CCDC201: variants seen among roughly 807,000 people sequenced by gnomAD.
CCDC201 encodes coiled-coil domain-containing protein 201.
chr7:45,877,366 T>G (rs1786823475), upstream of CCDC201, among the ~76,000 whole-genome samples: 1 of 152,202 alleles, frequency 6.6e-6, no homozygotes, highest in Admixed American at 6.5e-5. Flanking sequence ...AAATAAGTGG[T>G]CAGTACTCTT....
At chr7:45,876,210 A>G (rs73322999), upstream of CCDC201, among the ~76,000 whole-genome samples, 12,428 of 152,114 alleles carry the variant, frequency 0.082, 913 homozygotes, top group African/African-American at 0.19. Flanking sequence ...AACCACAATG[A>G]CTTTCCCAGA....
intron 2 of CCDC201, among the ~76,000 whole-genome samples, chr7:45,863,973 C>T (rs920222837): frequency 2.6e-5 from 4 of 152,104 alleles, no homozygotes; most frequent in Non-Finnish European, 5.9e-5. Flanking sequence ...CCACTGCTGG[C>T]CAGCAGAGAG....
At chr7:45,864,458 C>T (rs1786641052) in intron 2 of CCDC201, among the ~76,000 whole-genome samples, 1 of 152,212 alleles carries the variant, frequency 6.6e-6, no homozygotes, top group African/African-American at 2.4e-5. Context: ...TGCTGACTAG[C>T]AAGAGGTGGC....
At chr7:45,870,204 G>A (rs1475055413) in intron 1 of CCDC201, among the ~76,000 whole-genome samples, 1 of 152,148 alleles carries the variant, frequency 6.6e-6, no homozygotes, top group Non-Finnish European at 1.5e-5. Context: ...CATCTCATTT[G>A]CACAAGCAGC....
the CCDC201 span, among the ~76,000 whole-genome samples, chr7:45,882,042 G>A: frequency 7.2e-3 from 1,090 of 152,258 alleles, 12 homozygotes; most frequent in African/African-American, 0.025. Context: ...TGGAACATAA[G>A]CAAAACATCA....
chr7:45,881,660 G>A, the CCDC201 span, among the ~76,000 whole-genome samples: 3 of 152,140 alleles, frequency 2.0e-5, no homozygotes, highest in Non-Finnish European at 2.9e-5. Context: ...GAATGAAGAC[G>A]AAGAGCACCT....
intron 2 of CCDC201, among the ~76,000 whole-genome samples, chr7:45,865,777 C>A (rs188266629): frequency 4.6e-5 from 7 of 152,296 alleles, no homozygotes; most frequent in Non-Finnish European, 8.8e-5. Context: ...GTCACGGGGG[C>A]CCTCAGAGCA....
chr7:45,880,051 A>C, the CCDC201 span, among the ~76,000 whole-genome samples: 1 of 152,182 alleles, frequency 6.6e-6, no homozygotes, highest in Non-Finnish European at 1.5e-5. Context: ...GCACCACTGC[A>C]CTCCAGCCCG....
At chr7:45,864,664 C>T (rs763273852) in intron 2 of CCDC201, among the ~76,000 whole-genome samples, 4 of 152,160 alleles carry the variant, frequency 2.6e-5, no homozygotes, top group African/African-American at 4.8e-5. Context: ...GCAAAATCAG[C>T]ACCCTCAGAA....
the CCDC201 span, among the ~76,000 whole-genome samples, chr7:45,879,549 C>T: frequency 8.5e-5 from 13 of 152,162 alleles, no homozygotes; most frequent in East Asian, 3.9e-4. Flanking sequence ...ACCATCTTCA[C>T]GTGGCAGAGT....
At chr7:45,875,633 G>T (rs1398365117), upstream of CCDC201, among the ~76,000 whole-genome samples, 1 of 152,132 alleles carries the variant, frequency 6.6e-6, no homozygotes, top group Admixed American at 6.5e-5. Context: ...TGAAGGTAAA[G>T]CTCCCTTAGC....
chr7:45,869,643 T>C (rs1786719913), intron 1 of CCDC201, among the ~76,000 whole-genome samples: 1 of 152,162 alleles, frequency 6.6e-6, no homozygotes, highest in African/African-American at 2.4e-5. Context: ...CCAAATAACC[T>C]GAAGGATAGG....
At position 45,868,628 on chromosome 7, in the gene CCDC201, C is replaced by T. The variant is rs1344699339; in HGVS notation, c.19-2134G>A. 2.0e-5 allele frequency among the ~76,000 whole-genome samples: 3 copies of T among 152,192 alleles called. No individual in the cohort carries two copies. In the South Asian group the frequency reaches 6.2e-4, roughly 32 times the overall value. ...ACTCTTCAGAGCACAGATGGCTGGA[C>T]AAAGAATGGAAAGAGTCTTACATCA... is the stretch of plus-strand genomic sequence containing the variant. On this transcript the variant is annotated intron_variant, in intron 1 of 2. Transcript: ENST00000636578.
At chr7:45,875,439 C>CA (rs34636507), upstream of CCDC201, among the ~76,000 whole-genome samples, 675 of 104,810 alleles carry the variant, frequency 6.4e-3, 7 homozygotes, top group African/African-American at 0.015. Context: ...AGGCTTCAGT[C>CA]AAAAAAAAAA....
At chr7:45,883,685 T>C in the CCDC201 span, among the ~76,000 whole-genome samples, 2 of 152,242 alleles carry the variant, frequency 1.3e-5, no homozygotes, top group Admixed American at 1.3e-4. Flanking sequence ...TCACCAGTTT[T>C]GGTCACTATG....
chr7:45,876,339 T>C (rs1016147491), upstream of CCDC201, among the ~76,000 whole-genome samples: 7 of 152,166 alleles, frequency 4.6e-5, 1 homozygote, highest in African/African-American at 1.7e-4. Context: ...CAAGGACTGA[T>C]ACAGAAAAAT....
At chr7:45,876,308 T>C (rs10243669), upstream of CCDC201, among the ~76,000 whole-genome samples, 18,036 of 152,120 alleles carry the variant, frequency 0.12, 1,295 homozygotes, top group East Asian at 0.2. Flanking sequence ...TGACCTCCTA[T>C]AGTGTAATTA....
exon 3 of CCDC201, chr7:45,862,451 G>A (rs1488948292): frequency 1.3e-5 from 2 of 152,328 alleles, no homozygotes; most frequent in East Asian, 3.9e-4. Flanking sequence ...CCCTCTAGGG[G>A]TGGGACTATG....
chr7:45,875,763 C>A (rs1786793754), upstream of CCDC201, among the ~76,000 whole-genome samples: 1 of 122,308 alleles, frequency 8.2e-6, no homozygotes, highest in Non-Finnish European at 1.7e-5. Flanking sequence ...CTGCTCAGGT[C>A]TCTCTTCCCT....
Sources: gnomAD v4.1 joint callset for allele counts (sites outside exome capture counted in the v4.1 genomes callset) on GRCh38, gnomAD v4.1.1 for gene constraint, MANE v1.5 for transcripts, NCBI Gene and HGNC (gene_info 2026-07-23, HGNC 2026-07-21) for gene names.